Variants in ABI2 observed in about 807,000 individuals in gnomAD.
ABI2 encodes the protein abl interactor 2.
Under a neutral mutation model 59.2 loss-of-function variants are expected in ABI2, and 25 were observed. The ratio of observed to expected loss-of-function variants is 0.42; its 90% CI spans 0.31 to 0.59. ABI2 has a LOEUF of 0.59. Among genes scored for constraint, ABI2 ranks in the 20% least tolerant of loss-of-function variants. The pLI is 0.14. For missense variants in ABI2, 545 were observed against 681.8 expected (o/e 0.80, Z 2.23); for synonymous variants, 213 against 235.5 (o/e 0.90, Z 0.87).
rs187428915 is a variant in ABI2, at chr2:203,428,846, C to T, written c.*1494C>T. On this transcript the variant is annotated 3_prime_UTR_variant, in exon 12 of 12. Coordinates refer to ENST00000261018, the MANE Select transcript of ABI2 (RefSeq NM_001375670.1). ...TGACTTGGCCAGAATAGAGCTTTGCCAGGTAACTGCCCTGTGCTAGGTGAA... is the reference window on the plus strand; with the variant it reads ...TGACTTGGCCAGAATAGAGCTTTGCTAGGTAACTGCCCTGTGCTAGGTGAA... The T allele has an allele frequency of 2.4e-4, 37 of 152,304 alleles. No individual in the cohort carries two copies. The highest frequency in any genetic ancestry group is 8.2e-4 in the African/African-American group (34 of 41,560). 9.4% of individuals were successfully genotyped at this position (152,304 alleles called of 1,614,324 possible).
At chr2:203,377,121 C>G (rs982045168) in intron 2 of ABI2, among the ~76,000 whole-genome samples, 2 of 152,036 alleles carry the variant, frequency 1.3e-5, no homozygotes, top group African/African-American at 4.8e-5. Flanking sequence ...AGTTCAAGAC[C>G]ATCCTGGGCA....
intron 6 of ABI2, among the ~76,000 whole-genome samples, 172 bp from the exon 7 acceptor site, chr2:203,395,483 AC>A (rs1377819194): frequency 2.0e-5 from 3 of 149,878 alleles, no homozygotes; most frequent in Non-Finnish European, 3.0e-5. Context: ...ACACACACAC[AC>A]ATTTTTTTTT....
intron 2 of ABI2, among the ~76,000 whole-genome samples, chr2:203,372,568 C>G (rs1167116109): frequency 6.6e-6 from 1 of 150,382 alleles, no homozygotes; most frequent in Non-Finnish European, 1.5e-5. Context: ...CTGACCCCCC[C>G]ACCTCCCTCC....
In ABI2 at chr2:203,391,074, G is replaced by C. The variant is rs2096725142; in HGVS notation, c.509G>C (p.Gly170Ala). 6.2e-7 allele frequency: 1 copy of C among 1,613,732 alleles called. No individual in the cohort carries two copies. ...KVSTQNMKMG[G>A]LPRTTPPTQK... is the part of the protein sequence containing the mutation. ...AGTACCCAGAACATGAAGATGGGTG[G>C]GCTGCCGCGTACAACACCTCCAACT... is the stretch of plus-strand genomic sequence containing the variant. Residue 170 changes from glycine (G) to alanine (A), a missense_variant, in exon 5 of 12, where the codon GGG becomes GCG. Physicochemically the swap from Gly to Ala is moderately conservative, Grantham distance 60. Around this residue, in one of 4 missense-constraint regions of ABI2, gnomAD observed 410 missense variants for 435.6 expected, o/e 0.94. Coordinates refer to ENST00000261018, the MANE Select transcript of ABI2 (RefSeq NM_001375670.1).
chr2:203,339,998 C>T (rs559011498), intron 1 of ABI2, among the ~76,000 whole-genome samples: 23 of 152,262 alleles, frequency 1.5e-4, no homozygotes, highest in Middle Eastern at 6.8e-3. Context: ...TGGACCCACA[C>T]AGTTAAAGGG....
chr2:203,402,728 A>G lies in ABI2; in HGVS notation c.1186A>G (p.Asn396Asp). Residue 396 changes from asparagine to aspartate, a missense_variant, in exon 9 of 12, where the codon AAT (asparagine) becomes GAT (aspartate). Asn to Asp is a conservative substitution (Grantham distance 23). Transcript: ENST00000261018. ...GAATGGAGGACCTTTTTATAGCCAG[A>G]ATCCAGGTTAGTTTTTTTGTTTTTT... ...QMNGGPFYSQ[N>D]PVSLAPPPPS... The G allele has an allele frequency of 1.9e-6, 3 of 1,571,820 alleles. No individual in the cohort carries two copies. The highest frequency in any genetic ancestry group is 2.6e-6 in the Non-Finnish European group (3 of 1,166,448).
Position 203,427,749 on chromosome 2 carries a change from GTGCTAAGGGGTTAACCTCAT to G in ABI2, c.*398_*417del. ...TGGCATTGGATGTTCTTCATTGCCT[GTGCTAAGGGGTTAACCTCAT>G]GGCCCAGTGGGTACCCTAGCCCCTT... On this transcript the variant is annotated 3_prime_UTR_variant, in exon 12 of 12. Coordinates refer to ENST00000261018, the MANE Select transcript of ABI2 (RefSeq NM_001375670.1). 1 of 159,426 alleles carries G rather than the reference GTGCTAAGGGGTTAACCTCAT, an allele frequency of 6.3e-6. No homozygotes were observed. The highest frequency in any genetic ancestry group is 2.4e-5 in the African/African-American group (1 of 41,770). 9.9% of individuals were successfully genotyped at this position (159,426 alleles called of 1,614,324 possible).
chr2:203,386,064 TC>T (rs2096493401), intron 4 of ABI2, among the ~76,000 whole-genome samples: 1 of 152,180 alleles, frequency 6.6e-6, no homozygotes. Context: ...TTTCCTGGTG[TC>T]CCTTAGGAAT....
chr2:203,328,506 G>T lies in ABI2; in HGVS notation c.-9G>T. Reference sequence around the variant, plus strand: ...CCTGTATGAGGAGGAGGAGGAGGAGGATGTGAAGATGGCGGAGCTGCAGAT... The same window carrying T: ...CCTGTATGAGGAGGAGGAGGAGGAGTATGTGAAGATGGCGGAGCTGCAGAT... On this transcript the variant is annotated 5_prime_UTR_variant, in exon 1 of 12. Coordinates refer to ENST00000261018, the MANE Select transcript of ABI2 (RefSeq NM_001375670.1). The T allele has an allele frequency of 6.3e-7, 1 of 1,598,690 alleles. No homozygotes were observed. Among genetic ancestry groups the T allele is most frequent in the Non-Finnish European group, 8.5e-7 (1 of 1,172,298 alleles).
rs777969737 is a variant in ABI2 at position 203,427,241 on chromosome 2, T to C, written c.1518T>C (p.Ile506=). ...AGCTGTCCTTTCAGGAAGGAGCCAT[T>C]ATTTATGTCATCAAGAAGAATGACG... ...EDELSFQEGA[I]IYVIKKNDDG... is the part of the protein sequence containing the mutation. The change falls in exon 12 of 12, where the codon ATT becomes ATC. Residue 506 remains isoleucine (I), a synonymous_variant. Transcript: ENST00000261018. 4.8e-5 allele frequency: 78 copies of C among 1,613,832 alleles called. No homozygotes were observed. Among genetic ancestry groups the C allele is most frequent in the Non-Finnish European group, 5.9e-5 (70 of 1,179,960 alleles).
At chr2:203,415,661 G>A (rs552772574) in intron 10 of ABI2, among the ~76,000 whole-genome samples, 7 of 146,458 alleles carry the variant, frequency 4.8e-5, no homozygotes, top group South Asian at 2.2e-4. Flanking sequence ...AATTCAATTC[G>A]TAGGCTTAGA....
intron 1 of ABI2, among the ~76,000 whole-genome samples, chr2:203,352,843 A>G (rs1218688201): frequency 6.6e-6 from 1 of 152,214 alleles, no homozygotes; most frequent in Non-Finnish European, 1.5e-5. Context: ...TAAGTGCCCT[A>G]TGCAGGTATA....
chr2:203,387,763 A>G (rs531122904), intron 4 of ABI2, among the ~76,000 whole-genome samples: 1 of 152,332 alleles, frequency 6.6e-6, no homozygotes, highest in African/African-American at 2.4e-5. Flanking sequence ...TTTAAAAAGT[A>G]TTTCAAGTGA....
chr2:203,409,182 A>G (rs2097557217), intron 9 of ABI2, among the ~76,000 whole-genome samples: 1 of 152,166 alleles, frequency 6.6e-6, no homozygotes, highest in South Asian at 2.1e-4. Flanking sequence ...CCTTGGAAAC[A>G]GTATTATGAA....
intron 1 of ABI2, among the ~76,000 whole-genome samples, chr2:203,340,530 C>T (rs557283523): frequency 1.3e-5 from 2 of 152,012 alleles, no homozygotes; most frequent in South Asian, 4.2e-4. Flanking sequence ...CCACACATGG[C>T]TAATTTTTGT....
chr2:203,365,036 C>T (rs772518444), intron 1 of ABI2, among the ~76,000 whole-genome samples: 7 of 152,028 alleles, frequency 4.6e-5, no homozygotes, highest in African/African-American at 1.4e-4. Context: ...GCCTGGCCAG[C>T]GTTATGCTTT....
At chr2:203,408,540 T>TAA (rs550263269) in intron 9 of ABI2, among the ~76,000 whole-genome samples, 5 of 145,344 alleles carry the variant, frequency 3.4e-5, no homozygotes, top group African/African-American at 1.3e-4. Context: ...ATATTCATCT[T>TAA]AAAAAAAAAA....
At chr2:203,382,246 A>C in intron 4 of ABI2, 40 bp downstream of exon 4, 1 of 1,500,714 alleles carries the variant, frequency 6.7e-7, no homozygotes, top group Non-Finnish European at 8.9e-7. Context: ...CTTTGTTCTT[A>C]TGTAGAATAT....
At chr2:203,337,856 C>A (rs765853407) in intron 1 of ABI2, among the ~76,000 whole-genome samples, 1 of 152,090 alleles carries the variant, frequency 6.6e-6, no homozygotes, top group African/African-American at 2.4e-5. Flanking sequence ...CGTGGAGAAA[C>A]CTCATCTCTA....
Sources: gnomAD v4.1 joint callset for allele counts (sites outside exome capture counted in the v4.1 genomes callset) on GRCh38, gnomAD v4.1.1 for gene constraint, gnomAD v4.1.1 regional missense constraint, MANE v1.5 for transcripts, NCBI Gene and HGNC (gene_info 2026-07-23, HGNC 2026-07-21) for gene names.